Variants in NCOA4 observed in about 807,000 individuals in gnomAD.
NCOA4 encodes the protein nuclear receptor coactivator 4.
NCOA4 carries 31 observed loss-of-function variants against 69.5 expected under a neutral mutation model. That is an observed-to-expected ratio of 0.45 (90% CI 0.34 to 0.60). The LOEUF (loss-of-function observed/expected upper bound fraction) is 0.60, where lower values mean the gene tolerates loss of function less well. NCOA4 is among the 20% of genes least tolerant of loss of function. The pLI is 0.02. For missense variants in NCOA4, 600 were observed against 719.2 expected (o/e 0.83, Z 1.90); for synonymous variants, 228 against 252.4 (o/e 0.90, Z 0.92).
At chr10:46,024,644 T>G (rs979252091) in intron 1 of NCOA4, among the ~76,000 whole-genome samples, 1 of 152,254 alleles carries the variant, frequency 6.6e-6, no homozygotes. Context: ...TCTAAAATTC[T>G]GCACTCAGAC....
intron 1 of NCOA4, among the ~76,000 whole-genome samples, chr10:46,017,025 A>G (rs1380556906): frequency 6.6e-6 from 1 of 152,262 alleles, no homozygotes; most frequent in Non-Finnish European, 1.5e-5. Context: ...TTTTCTATTT[A>G]TAACACACAT....
intron 2 of NCOA4, among the ~76,000 whole-genome samples, 189 bp downstream of exon 2, chr10:46,016,351 T>C (rs1554923186): frequency 6.6e-6 from 1 of 152,190 alleles, no homozygotes; most frequent in Non-Finnish European, 1.5e-5. Flanking sequence ...CAGACTCTTC[T>C]AGCATCTGCC....
chr10:46,015,311 AATG>A (rs1839473536), intron 2 of NCOA4, 45 bp from the exon 3 acceptor site: 3 of 1,336,580 alleles, frequency 2.2e-6, no homozygotes, highest in African/African-American at 1.5e-5. Context: ...AATCCCAAAG[AATG>A]ATGTTTCCCA....
intron 2 of NCOA4, 120 bp downstream of exon 2, chr10:46,016,420 G>A (rs1276538995): frequency 1.4e-5 from 12 of 848,186 alleles, no homozygotes; most frequent in Non-Finnish European, 2.0e-5. Context: ...GGACCAAGTA[G>A]ACCACGCAAG....
intron 1 of NCOA4, among the ~76,000 whole-genome samples, chr10:46,018,408 T>C (rs1839691154): frequency 6.6e-6 from 1 of 152,184 alleles, no homozygotes. Context: ...GCTGGGTCTG[T>C]GGGAAAAAAT....
rs1554922726 is a variant in NCOA4, at chr10:46,014,903, A to T, written c.322T>A (p.Cys108Ser). The T allele has an allele frequency of 6.2e-7, 1 of 1,614,152 alleles. No homozygotes were observed. The change falls in exon 4 of 10, where the codon TGT (cysteine) becomes AGT (serine). Residue 108 changes from cysteine to serine, a missense_variant. Transcript: ENST00000581486. ...TTGGCTAGATCTTTGTTTTGGGTAC[A>T]CTCCAGTTGATGAGTAAGACAATTG... ...QFNCLTHQLE[C>S]TQNKDLANQV...
chr10:46,015,195 A>G lies in NCOA4; in HGVS notation c.213T>C (p.Tyr71=), dbSNP rs1178474540. 6.2e-7 allele frequency: 1 copy of G among 1,614,004 alleles called. No homozygotes were observed. Residue 71 remains tyrosine, a synonymous_variant, in exon 3 of 10, where the codon TAT becomes TAC. Transcript: ENST00000581486. ...GCTGATAAATAAGGTCCACCTGTTCATACAGCCATACCTCACGGCTTCTAA... is the reference window on the plus strand; with the variant it reads ...GCTGATAAATAAGGTCCACCTGTTCGTACAGCCATACCTCACGGCTTCTAA... The part of the protein sequence containing the change: ...ECLRSREVWL[Y]EQVDLIYQLK...
At chr10:46,007,560 G>A (rs1328537890) in intron 9 of NCOA4, among the ~76,000 whole-genome samples, 1 of 149,936 alleles carries the variant, frequency 6.7e-6, no homozygotes, top group African/African-American at 2.5e-5. Flanking sequence ...CTCTTGTTAG[G>A]GACTAACACA....
intron 1 of NCOA4, among the ~76,000 whole-genome samples, chr10:46,029,991 T>C (rs140137770): frequency 2.0e-5 from 3 of 152,326 alleles, no homozygotes; most frequent in Non-Finnish European, 4.4e-5. Context: ...TGTGACAGTA[T>C]GTGTTTGGCA....
At chr10:46,008,337 A>G (rs1554920304) in intron 9 of NCOA4, among the ~76,000 whole-genome samples, 2 of 152,238 alleles carry the variant, frequency 1.3e-5, no homozygotes, top group African/African-American at 4.8e-5. Context: ...AAGATCATTC[A>G]TGATTCATGA....
intron 5 of NCOA4, 87 bp downstream of exon 5, chr10:46,014,357 A>G (rs1435288118): frequency 1.1e-6 from 1 of 942,616 alleles, no homozygotes; most frequent in African/African-American, 1.7e-5. Context: ...TTCTCAAGAA[A>G]GTCACTATTC....
chr10:46,027,329 G>T, intron 1 of NCOA4: 4 of 910,956 alleles, frequency 4.4e-6, no homozygotes, highest in Non-Finnish European at 6.7e-6. Context: ...CATATCAGAA[G>T]TTAAGCATTG....
chr10:46,011,161 G>C lies in NCOA4; in HGVS notation c.760C>G (p.Leu254Val), dbSNP rs782507446. 3 of 1,607,128 alleles carry C rather than the reference G, an allele frequency of 1.9e-6. No individual in the cohort carries two copies. Among genetic ancestry groups the C allele is most frequent in the Non-Finnish European group, 1.7e-6 (2 of 1,177,780 alleles). Residue 254 changes from leucine to valine, a missense_variant, in exon 8 of 10, where the codon CTA becomes GTA. Transcript: ENST00000581486. ...CNFFNNVGGN[L>V]KGLENWLLKS... Reference sequence around the variant, plus strand: ...AGGAGCCAGTTTTCTAAGCCCTTTAGGTTTCCCCCGACATTATTGAAGAAA... The same window carrying C: ...AGGAGCCAGTTTTCTAAGCCCTTTACGTTTCCCCCGACATTATTGAAGAAA...
chr10:46,016,507 C>T (rs782658248), intron 2 of NCOA4, 33 bp downstream of exon 2: 4 of 1,411,164 alleles, frequency 2.8e-6, no homozygotes, highest in Non-Finnish European at 3.8e-6. Flanking sequence ...TGTCAAGAGT[C>T]CAGACAACAG....
Position 46,019,064 on chromosome 10 carries a change from A to G in NCOA4, c.-14-2370T>C, listed in dbSNP as rs1839722402. Among the ~76,000 whole-genome samples, 3 of 152,240 alleles carry G rather than the reference A, an allele frequency of 2.0e-5. No individual in the cohort carries two copies. In the South Asian group the frequency reaches 6.2e-4, roughly 32 times the overall value. ...AGATTCAGGAACTAGAGTTTCCACA[A>G]GAAACTGAACAATTCAGGAAATTTT... On this transcript the variant is annotated intron_variant, in intron 1 of 9. Coordinates refer to ENST00000581486, the MANE Select transcript of NCOA4 (RefSeq NM_001145263.2).
rs1839260492 is a variant in NCOA4, at chr10:46,012,089, A to AAAAAAAAAAAAAAC, written c.714+793_714+794insGTTTTTTTTTTTTT. Among the ~76,000 whole-genome samples the AAAAAAAAAAAAAAC allele has an allele frequency of 2.8e-5, 4 of 140,724 alleles. 1 individual carries two copies. The highest frequency in any genetic ancestry group is 6.9e-5 in the Admixed American group (1 of 14,426). The allele number at this position is 140,724 out of a possible 152,430, so 92.3% of individuals were successfully genotyped here. Reference sequence around the variant, plus strand: ...AAGAAAGAAAAAAAAAAAAAAAAAAAAAAAAAAAAAAAAACGAAAAAAGAA... The same window carrying AAAAAAAAAAAAAAC: ...AAGAAAGAAAAAAAAAAAAAAAAAAAAAAAAAAAAAAAACAAAAAAAAAAAAAACGAAAAAAGAA... On this transcript the variant is annotated intron_variant, in intron 7 of 9. Transcript: ENST00000581486.
intron 5 of NCOA4, among the ~76,000 whole-genome samples, chr10:46,014,169 G>A (rs1443676329): frequency 6.6e-6 from 1 of 152,042 alleles, no homozygotes; most frequent in East Asian, 1.9e-4. Flanking sequence ...TGGGATTATA[G>A]GCGCCCAGCT....
intron 1 of NCOA4, chr10:46,027,288 AGAATGATT>A: frequency 1.4e-6 from 1 of 704,864 alleles, no homozygotes; most frequent in Non-Finnish European, 2.2e-6. Context: ...AAAAAAAAAA[AGAATGATT>A]AAGACTTAAG....
At chr10:46,012,351 A>G (rs1464280309) in intron 7 of NCOA4, among the ~76,000 whole-genome samples, 1 of 152,142 alleles carries the variant, frequency 6.6e-6, no homozygotes, top group Non-Finnish European at 1.5e-5. Flanking sequence ...TGCAATTTCT[A>G]TAAATGTACT....
Sources: allele counts gnomAD v4.1 joint callset (sites outside exome capture counted in the v4.1 genomes callset), GRCh38; gene constraint gnomAD v4.1.1; transcripts MANE v1.5; gene names NCBI Gene and HGNC (gene_info 2026-07-23, HGNC 2026-07-21).